Variants in KCNK10 observed in about 807,000 individuals in gnomAD.
KCNK10 encodes the protein potassium channel subfamily K member 10.
KCNK10 carries 25 observed loss-of-function variants against 47.7 expected under a neutral mutation model. The observed-to-expected ratio is 0.52, with a 90% CI of 0.38 to 0.73. The LOEUF is 0.73. Ranked by LOEUF, KCNK10 falls within the 30% of genes least tolerant of loss-of-function variation. The probability of loss-of-function intolerance (pLI) is 0.00; values close to 1 mark genes in which losing one functional copy is unlikely to be tolerated. For synonymous variants in KCNK10, 303 were observed against 285.6 expected, an observed-to-expected ratio of 1.06 and a Z score of -0.61; for missense variants, 563 against 714.5, an observed-to-expected ratio of 0.79 and a Z score of 2.42.
At chr14:88,235,791 A>C (rs1886283301) in intron 3 of KCNK10, among the ~76,000 whole-genome samples, 1 of 152,210 alleles carries the variant, frequency 6.6e-6, no homozygotes, top group Non-Finnish European at 1.5e-5. Flanking sequence ...CAAAACCAAA[A>C]CCACACAGCA....
intron 1 of KCNK10, among the ~76,000 whole-genome samples, chr14:88,275,693 C>CAAAAAAAAAAAAAAAAAA (rs71126972): frequency 2.8e-5 from 2 of 72,026 alleles, no homozygotes; most frequent in Non-Finnish European, 2.6e-5. Context: ...GCTAAAAATA[C>CAAAAAAAAAAAAAAAAAA]AAAAAAAAAA....
chr14:88,250,445 C>T (rs900689129), intron 2 of KCNK10, among the ~76,000 whole-genome samples: 2 of 152,116 alleles, frequency 1.3e-5, no homozygotes, highest in African/African-American at 4.8e-5. Context: ...TCAAAGAACC[C>T]GAACCTGCAC....
intron 3 of KCNK10, among the ~76,000 whole-genome samples, chr14:88,230,634 T>C (rs866567576): frequency 1.3e-5 from 2 of 152,154 alleles, no homozygotes; most frequent in South Asian, 2.1e-4. Flanking sequence ...GCTTTATGGA[T>C]GTGCACCCTG....
At chr14:88,208,162 T>C (rs1417635296) in intron 4 of KCNK10, among the ~76,000 whole-genome samples, 1 of 152,244 alleles carries the variant, frequency 6.6e-6, no homozygotes, top group Non-Finnish European at 1.5e-5. Context: ...GGGTTCCTTT[T>C]TTATTTCCCT....
At chr14:88,296,682 A>G (rs1029257067) in intron 1 of KCNK10, among the ~76,000 whole-genome samples, 2 of 152,180 alleles carry the variant, frequency 1.3e-5, no homozygotes, top group African/African-American at 4.8e-5. Flanking sequence ...ATTATTGTCT[A>G]CATGGCTTGA....
intron 1 of KCNK10, among the ~76,000 whole-genome samples, chr14:88,321,338 T>C (rs2139808964): frequency 6.6e-6 from 1 of 152,346 alleles, no homozygotes; most frequent in East Asian, 1.9e-4. Flanking sequence ...TCAGACACTT[T>C]CTTAAACCTC....
chr14:88,221,781 C>A (rs1407629103), intron 4 of KCNK10, among the ~76,000 whole-genome samples: 1 of 152,114 alleles, frequency 6.6e-6, no homozygotes, highest in Non-Finnish European at 1.5e-5. Context: ...TCGTAATTAC[C>A]AAAACTTAGA....
At chr14:88,286,510 T>G (rs1390238103) in intron 1 of KCNK10, among the ~76,000 whole-genome samples, 2 of 152,162 alleles carry the variant, frequency 1.3e-5, no homozygotes, top group African/African-American at 4.8e-5. Context: ...AAAACAAGAT[T>G]CTGAAGTAAC....
At chr14:88,299,031 T>C in intron 1 of KCNK10, among the ~76,000 whole-genome samples, 1 of 152,200 alleles carries the variant, frequency 6.6e-6, no homozygotes, top group East Asian at 1.9e-4. Context: ...AAGCCTTCCC[T>C]GGTCCCCAAA....
chr14:88,206,986 G>T (rs182988450), intron 4 of KCNK10, among the ~76,000 whole-genome samples: 12 of 152,260 alleles, frequency 7.9e-5, no homozygotes, highest in Admixed American at 5.2e-4. Context: ...ACACTTCTAA[G>T]TATAGCCTGA....
chr14:88,322,936 A>G lies in KCNK10; in HGVS notation c.-138T>C. ...GAGCCTTGGACTGGCTCGTGGAGGAACCCCAGAAAAAGACAGGTGGGAAAA... is the reference window on the plus strand; with the variant it reads ...GAGCCTTGGACTGGCTCGTGGAGGAGCCCCAGAAAAAGACAGGTGGGAAAA... On this transcript the variant is annotated 5_prime_UTR_variant, in exon 1 of 7. Coordinates refer to ENST00000319231, the MANE Select transcript of KCNK10 (RefSeq NM_138317.3). This position sits in a 1 kb window ranked among gnomAD's most constrained non-coding sequence, Gnocchi z 4.8. 6.6e-7 allele frequency: 1 copy of G among 1,504,446 alleles called. No homozygotes were observed. The highest frequency in any genetic ancestry group is 8.9e-7 in the Non-Finnish European group (1 of 1,129,266). 93.2% of individuals were successfully genotyped at this position (1,504,446 alleles called of 1,614,324 possible).
intron 4 of KCNK10, among the ~76,000 whole-genome samples, chr14:88,211,730 T>C (rs926402887): frequency 1.3e-5 from 2 of 151,744 alleles, no homozygotes; most frequent in African/African-American, 4.8e-5. Flanking sequence ...ACCCCGTCTC[T>C]ACTAAAAATA....
chr14:88,292,630 T>A (rs1162389525), intron 1 of KCNK10, among the ~76,000 whole-genome samples: 4 of 149,986 alleles, frequency 2.7e-5, no homozygotes, highest in African/African-American at 7.4e-5. Context: ...GGATTACAGG[T>A]TTTCTTGTTT....
At chr14:88,267,333 G>A (rs1175138755) in intron 1 of KCNK10, among the ~76,000 whole-genome samples, 3 of 151,954 alleles carry the variant, frequency 2.0e-5, no homozygotes, top group Admixed American at 6.6e-5. Context: ...AAAAGGATCT[G>A]GATTGTGCTT....
At chr14:88,195,143 G>C (rs2139831045) in intron 4 of KCNK10, among the ~76,000 whole-genome samples, 1 of 152,178 alleles carries the variant, frequency 6.6e-6, no homozygotes, top group East Asian at 1.9e-4. Flanking sequence ...CATTAGCCCT[G>C]TAACTGTTCA....
Position 88,313,373 on chromosome 14 carries a change from AACTT to A in KCNK10, c.52+9370_52+9373del, listed in dbSNP as rs201015073. Among the ~76,000 whole-genome samples, 23 of 152,326 alleles carry A rather than the reference AACTT, an allele frequency of 1.5e-4. No homozygotes were observed. The East Asian group carries it at 4.2e-3, about 28-fold the overall frequency. On this transcript the variant is annotated intron_variant, in intron 1 of 6. Transcript: ENST00000319231. ...CCCCACCACTCCCCAGATGTGGACT[AACTT>A]TAGTGACTGGCGTCTAATGAAAAGA...
At chr14:88,255,502 C>G (rs890549697) in intron 2 of KCNK10, among the ~76,000 whole-genome samples, 22 of 145,158 alleles carry the variant, frequency 1.5e-4, no homozygotes, top group Non-Finnish European at 6.0e-5. Context: ...CAGACCAGCA[C>G]GAGCAACACA....
intron 3 of KCNK10, among the ~76,000 whole-genome samples, chr14:88,237,247 T>C (rs1000419066): frequency 1.3e-5 from 2 of 152,234 alleles, no homozygotes; most frequent in African/African-American, 4.8e-5. Flanking sequence ...AGTTTTATCA[T>C]GAGATGCAGC....
rs1289452065 is a variant in KCNK10, at chr14:88,183,692, C to T, written c.*1843G>A. The T allele has an allele frequency of 6.6e-6, 1 of 152,310 alleles. No individual in the cohort carries two copies. The highest frequency in any genetic ancestry group is 1.9e-4 in the East Asian group (1 of 5,328). 9.4% of individuals were successfully genotyped at this position (152,310 alleles called of 1,614,324 possible). A position where few individuals can be genotyped will look rare whatever the true frequency, so the allele number is the denominator to read the frequency against. On this transcript the variant is annotated 3_prime_UTR_variant, in exon 7 of 7. Coordinates refer to ENST00000319231, the MANE Select transcript of KCNK10 (RefSeq NM_138317.3). ...AAGGGTCTCATAAGCAATGCCAGAACTTCAACAGAGCCTAAAGGTCTGGGG... is the reference window on the plus strand; with the variant it reads ...AAGGGTCTCATAAGCAATGCCAGAATTTCAACAGAGCCTAAAGGTCTGGGG...
Sources: gnomAD v4.1 joint callset for allele counts (sites outside exome capture counted in the v4.1 genomes callset) on GRCh38, gnomAD v4.1.1 for gene constraint, Gnocchi (gnomAD v3.1) non-coding constraint, MANE v1.5 for transcripts, NCBI Gene and HGNC (gene_info 2026-07-23, HGNC 2026-07-21) for gene names.